Variants in ARHGEF9 observed in about 807,000 individuals in gnomAD.
ARHGEF9 encodes the protein Cdc42 guanine nucleotide exchange factor 9, also known as rho guanine nucleotide exchange factor 9.
Under a neutral mutation model 41.3 loss-of-function variants are expected in ARHGEF9, and 2 were observed. The observed-to-expected ratio is 0.05, with a 90% CI of 0.02 to 0.15. The LOEUF (loss-of-function observed/expected upper bound fraction) is 0.15. Ranked by LOEUF, ARHGEF9 falls within the 10% of genes least tolerant of loss-of-function variation. The pLI, the probability that ARHGEF9 is intolerant of heterozygous loss-of-function variation, is 1.00. For synonymous variants in ARHGEF9, 160 were observed against 154.4 expected, an observed-to-expected ratio of 1.04 and a Z score of -0.27; for missense variants, 225 against 424.7, an observed-to-expected ratio of 0.53 and a Z score of 4.13.
At position 63,706,288 on chromosome X, in the gene ARHGEF9, G is replaced by A. The variant is rs138198839; in HGVS notation, c.372C>T (p.His124=). 115 of 1,202,155 alleles carry A rather than the reference G, an allele frequency of 9.6e-5. No individual in the cohort carries two copies. The highest frequency in any genetic ancestry group is 1.2e-4 in the Non-Finnish European group (106 of 891,361). The part of the protein sequence containing the change: ...VINEIMSTER[H]YIKHLKDICE... ...AAATATCCTTGAGGTGCTTGATGTAGTGACGCTCAGTGCTCATTATCTCAT... is the reference window on the plus strand; with the variant it reads ...AAATATCCTTGAGGTGCTTGATGTAATGACGCTCAGTGCTCATTATCTCAT... Residue 124 remains histidine (H), a synonymous_variant, in exon 3 of 10, where the codon CAC becomes CAT. Transcript: ENST00000671741.
intron 2 of ARHGEF9, among the ~76,000 whole-genome samples, chrX:63,713,732 A>ACACC (rs1307656908): frequency 9.3e-6 from 1 of 107,350 alleles, no homozygotes; most frequent in African/African-American, 3.4e-5. Flanking sequence ...ACACACACAC[A>ACACC]CCCAGTTTTG....
chrX:63,702,179 A>G (rs1446607157), intron 3 of ARHGEF9, among the ~76,000 whole-genome samples: 1 of 112,611 alleles, frequency 8.9e-6, no homozygotes, highest in Admixed American at 9.4e-5. Context: ...CTCTGGAGGC[A>G]TTTGAAGACA....
At chrX:63,735,347 T>A (rs1224870014) in intron 1 of ARHGEF9, among the ~76,000 whole-genome samples, 1 of 111,191 alleles carries the variant, frequency 9.0e-6, no homozygotes, top group East Asian at 2.8e-4. Flanking sequence ...TTCCTTTGTT[T>A]CCAGAAGGTA....
chrX:63,688,755 G>A (rs1466157366), intron 4 of ARHGEF9, among the ~76,000 whole-genome samples: 1 of 111,946 alleles, frequency 8.9e-6, no homozygotes, highest in Non-Finnish European at 1.9e-5. Flanking sequence ...GGGAGACAGA[G>A]CAAGACTCCA....
chrX:63,760,304 T>C lies in ARHGEF9; in HGVS notation c.30+24812A>G, dbSNP rs782024930. On this transcript the variant is annotated intron_variant, in intron 1 of 9. Coordinates refer to ENST00000671741, the MANE Select transcript of ARHGEF9 (RefSeq NM_001353921.2). ...ACAGATACTGAATCCTGTCTGTTTA[T>C]TGTCTTAGCTACTGATACGACTAGA... Among the ~76,000 whole-genome samples the C allele has an allele frequency of 1.6e-4, 18 of 111,320 alleles. No individual in the cohort carries two copies. The East Asian group carries it at 5.1e-3, about 32-fold the overall frequency.
intron 4 of ARHGEF9, 94 bp downstream of exon 4, chrX:63,697,030 GA>G (rs1168287192): frequency 1.1e-5 from 11 of 982,542 alleles, no homozygotes; most frequent in African/African-American, 9.8e-5. Flanking sequence ...CCCACTGCAG[GA>G]AAAAGGAGCT....
In ARHGEF9 at chrX:63,636,166, G is replaced by C. The variant is rs1250701013; in HGVS notation, c.*1862C>G. ...CAGTAAACATGCTAGCTATGCTGAAGCCTCCACACAGCTATGGCTGCTGCT... is the reference window on the plus strand; with the variant it reads ...CAGTAAACATGCTAGCTATGCTGAACCCTCCACACAGCTATGGCTGCTGCT... On this transcript the variant is annotated 3_prime_UTR_variant, in exon 10 of 10. Transcript: ENST00000671741. 1 of 112,207 alleles carries C rather than the reference G, an allele frequency of 8.9e-6. No homozygotes were observed. The highest frequency in any genetic ancestry group is 2.8e-4 in the East Asian group (1 of 3,550). 9.2% of individuals were successfully genotyped at this position (112,207 alleles called of 1,213,427 possible).
rs181586057 is a variant in ARHGEF9, at chrX:63,785,206, A to T, written c.-61T>A. 241 of 1,124,344 alleles carry T rather than the reference A, an allele frequency of 2.1e-4. No homozygotes were observed. The East Asian group carries it at 7.2e-3, about 34-fold the overall frequency. The allele number at this position is 1,124,344 out of a possible 1,213,427, so 92.7% of individuals were successfully genotyped here. ...AGCTGGCGCGAGTTGTCGCGGGCTG[A>T]CTAGAAGGGCTGGGCTGAAGCAAGC... is the stretch of plus-strand genomic sequence containing the variant. On this transcript the variant is annotated 5_prime_UTR_variant, in exon 1 of 10. Coordinates refer to ENST00000671741, the MANE Select transcript of ARHGEF9 (RefSeq NM_001353921.2).
intron 1 of ARHGEF9, among the ~76,000 whole-genome samples, chrX:63,771,136 C>A (rs2147814493): frequency 8.9e-6 from 1 of 111,845 alleles, no homozygotes; most frequent in Non-Finnish European, 1.9e-5. Context: ...TCACACTGAG[C>A]ATTTTTTCAT....
intron 1 of ARHGEF9, 83 bp downstream of exon 1, chrX:63,785,033 C>T: frequency 8.9e-7 from 1 of 1,117,705 alleles, no homozygotes; most frequent in South Asian, 2.0e-5. Context: ...TGCTCACTGC[C>T]TTGTGGCTCG....
intron 1 of ARHGEF9, chrX:63,755,938 AACATTC>A: frequency 4.8e-6 from 3 of 621,665 alleles, no homozygotes; most frequent in South Asian, 1.7e-4. Context: ...CATAGGGTTA[AACATTC>A]GCCATGGAAA....
chrX:63,782,154 C>G (rs1409078717), intron 1 of ARHGEF9, among the ~76,000 whole-genome samples: 1 of 111,533 alleles, frequency 9.0e-6, no homozygotes, highest in African/African-American at 3.3e-5. Context: ...AATATAAGCT[C>G]CATGAAAGTG....
chrX:63,683,117 A>T (rs1258505523), intron 4 of ARHGEF9, among the ~76,000 whole-genome samples: 25 of 111,203 alleles, frequency 2.2e-4, no homozygotes, highest in Admixed American at 2.2e-3. Context: ...AAAGAAAAAA[A>T]CCTGTTAGAA....
intron 3 of ARHGEF9, among the ~76,000 whole-genome samples, chrX:63,706,017 G>T (rs183648376): frequency 9.0e-6 from 1 of 111,673 alleles, no homozygotes; most frequent in East Asian, 2.8e-4. Context: ...AAGACAGAGA[G>T]ACAATGAATA....
At chrX:63,655,372 C>T (rs1322899204) in intron 8 of ARHGEF9, 122 bp downstream of exon 8, 1 of 1,051,277 alleles carries the variant, frequency 9.5e-7, no homozygotes, top group African/African-American at 1.9e-5. Context: ...AAGGAACCAC[C>T]AAAGTAGCTT....
chrX:63,741,463 C>A (rs2054941424), intron 1 of ARHGEF9, among the ~76,000 whole-genome samples: 1 of 112,606 alleles, frequency 8.9e-6, no homozygotes, highest in East Asian at 2.8e-4. Context: ...AGCTGGCTGG[C>A]CCTAAGGGAA....
intron 1 of ARHGEF9, chrX:63,727,716 T>C (rs1556417917): frequency 8.9e-6 from 1 of 112,121 alleles, no homozygotes; most frequent in African/African-American, 3.2e-5. Flanking sequence ...TGATGTTAGC[T>C]AATAAAGAGC....
chrX:63,702,255 T>A (rs1207954066), intron 3 of ARHGEF9, among the ~76,000 whole-genome samples: 4 of 112,493 alleles, frequency 3.6e-5, no homozygotes, highest in Admixed American at 1.9e-4. Context: ...ACAAGACAGC[T>A]TTATAAAGCA....
chrX:63,755,133 GCCCATAGGCTGCCTTTTTATT>G, intron 1 of ARHGEF9: 1 of 938,813 alleles, frequency 1.1e-6, no homozygotes, highest in African/African-American at 2.0e-5. Flanking sequence ...CCCCCGCTCA[GCCCATAGGCTGCCTTTTTATT>G]CACCGAGCGA....
Sources: gnomAD v4.1 joint callset for allele counts (sites outside exome capture counted in the v4.1 genomes callset) on GRCh38, gnomAD v4.1.1 for gene constraint, MANE v1.5 for transcripts, NCBI Gene and HGNC (gene_info 2026-07-23, HGNC 2026-07-21) for gene names.